Variants in DNAJC3 observed in about 807,000 individuals in gnomAD.
DNAJC3 encodes dnaJ homolog subfamily C member 3.
Under a neutral mutation model 68.6 loss-of-function variants are expected in DNAJC3, and 38 were observed. The observed-to-expected ratio is 0.55, with a 90% CI of 0.43 to 0.73. DNAJC3 has a LOEUF of 0.73. Ranked by LOEUF, DNAJC3 falls within the 30% of genes least tolerant of loss-of-function variation. DNAJC3 has a pLI of 0.00. For synonymous variants in DNAJC3, 203 were observed against 204.0 expected (o/e 1.00, Z 0.04); for missense variants, 526 against 591.9 (o/e 0.89, Z 1.16).
At chr13:95,699,993 A>T (rs1238442600) in intron 1 of DNAJC3, among the ~76,000 whole-genome samples, 1 of 151,976 alleles carries the variant, frequency 6.6e-6, no homozygotes, top group Non-Finnish European at 1.5e-5. Flanking sequence ...CATTTTTAAA[A>T]TTTTTTGTAG....
At chr13:95,776,591 C>T (rs1335532385) in intron 9 of DNAJC3, among the ~76,000 whole-genome samples, 2 of 152,052 alleles carry the variant, frequency 1.3e-5, no homozygotes, top group South Asian at 2.1e-4. Flanking sequence ...AATCTTTTTG[C>T]GATTTGGCCT....
intron 1 of DNAJC3, among the ~76,000 whole-genome samples, chr13:95,708,494 T>C (rs151221095): frequency 1.3e-5 from 2 of 152,208 alleles, no homozygotes; most frequent in Non-Finnish European, 2.9e-5. Context: ...CTGGAACATA[T>C]CTGCATGCTC....
chr13:95,719,218 C>T (rs1028441238), intron 2 of DNAJC3, among the ~76,000 whole-genome samples: 2 of 152,228 alleles, frequency 1.3e-5, no homozygotes, highest in Non-Finnish European at 2.9e-5. Context: ...GGATATGGCG[C>T]TTCTTTGCCC....
chr13:95,787,109 A>G lies in DNAJC3; in HGVS notation c.1311A>G (p.Lys437=). ...AAGAAGAAAAGAAAAAAGCTGAGAA[A>G]AAGTTCATTGATATAGCAGCTGCTA... ...QNEEEKKKAE[K]KFIDIAAAKE... Residue 437 remains lysine, a synonymous_variant, in exon 11 of 12, where the codon AAA becomes AAG. Transcript: ENST00000602402. The G allele has an allele frequency of 1.2e-6, 2 of 1,614,078 alleles. No individual in the cohort carries two copies. The highest frequency in any genetic ancestry group is 1.7e-6 in the Non-Finnish European group (2 of 1,179,976).
chr13:95,712,377 T>TC (rs1022786211), intron 2 of DNAJC3, among the ~76,000 whole-genome samples: 1 of 149,096 alleles, frequency 6.7e-6, no homozygotes, highest in African/African-American at 2.4e-5. Flanking sequence ...CTTTTTTCTT[T>TC]TTTTTTTTTT....
intron 2 of DNAJC3, among the ~76,000 whole-genome samples, chr13:95,721,573 T>G (rs1026182658): frequency 6.6e-6 from 1 of 152,126 alleles, no homozygotes; most frequent in African/African-American, 2.4e-5. Context: ...CGAACATTTG[T>G]TATTTTATCT....
intron 11 of DNAJC3, among the ~76,000 whole-genome samples, chr13:95,788,067 CTT>C (rs1883657390): frequency 1.3e-5 from 2 of 151,928 alleles, no homozygotes; most frequent in East Asian, 1.9e-4. Context: ...GTAAATGATC[CTT>C]TGTTTTCAAG....
At chr13:95,725,311 C>CT in intron 4 of DNAJC3, 59 bp downstream of exon 4, 1 of 1,302,804 alleles carries the variant, frequency 7.7e-7, no homozygotes, top group Admixed American at 2.5e-5. Context: ...CGTATTTGAC[C>CT]TTTTTTATAT....
In DNAJC3 at chr13:95,747,835, G is replaced by A. The variant is rs911461334; in HGVS notation, c.394-9809G>A. Reference sequence around the variant, plus strand: ...GAGAGATTCATTGGTTGGGGTGATAGGAAAAAAAGGAATTATGATATCCAG... The same window carrying A: ...GAGAGATTCATTGGTTGGGGTGATAAGAAAAAAAGGAATTATGATATCCAG... On this transcript the variant is annotated intron_variant, in intron 4 of 11. Coordinates refer to ENST00000602402, the MANE Select transcript of DNAJC3 (RefSeq NM_006260.5). 2.0e-5 allele frequency among the ~76,000 whole-genome samples: 3 copies of A among 146,778 alleles called. No homozygotes were observed. The South Asian group carries it at 6.2e-4, about 30-fold the overall frequency.
chr13:95,767,691 G>GGTTTT (rs1555328431), intron 9 of DNAJC3, among the ~76,000 whole-genome samples: 1 of 135,794 alleles, frequency 7.4e-6, no homozygotes, highest in African/African-American at 2.7e-5. Flanking sequence ...AGTTTTTTGG[G>GGTTTT]TTTTTTTTTT....
At chr13:95,778,468 T>C (rs1883347034) in intron 9 of DNAJC3, among the ~76,000 whole-genome samples, 1 of 152,180 alleles carries the variant, frequency 6.6e-6, no homozygotes, top group Non-Finnish European at 1.5e-5. Context: ...TGGATACATA[T>C]AAATTGGAAT....
chr13:95,774,444 G>C (rs1883244546), intron 9 of DNAJC3, among the ~76,000 whole-genome samples: 1 of 152,096 alleles, frequency 6.6e-6, no homozygotes, highest in South Asian at 2.1e-4. Context: ...CTTGTTTTGT[G>C]GTCCAGCATG....
intron 5 of DNAJC3, among the ~76,000 whole-genome samples, chr13:95,758,763 G>A (rs965033645): frequency 2.0e-5 from 3 of 152,170 alleles, no homozygotes; most frequent in Non-Finnish European, 4.4e-5. Flanking sequence ...TATTCAAATG[G>A]AAGCAGTCGT....
intron 5 of DNAJC3, among the ~76,000 whole-genome samples, chr13:95,758,385 C>G: frequency 6.6e-6 from 1 of 151,460 alleles, no homozygotes; most frequent in Middle Eastern, 3.4e-3. Context: ...CCTGTAATCC[C>G]AGCACTTTGG....
At chr13:95,754,122 A>G (rs1882576375) in intron 4 of DNAJC3, among the ~76,000 whole-genome samples, 1 of 152,196 alleles carries the variant, frequency 6.6e-6, no homozygotes, top group South Asian at 2.1e-4. Context: ...ATGGTGTAGC[A>G]GGGTCTGCTG....
chr13:95,708,327 G>A (rs1880829920), intron 1 of DNAJC3, among the ~76,000 whole-genome samples: 1 of 152,150 alleles, frequency 6.6e-6, no homozygotes, highest in Non-Finnish European at 1.5e-5. Context: ...ATTGATAATT[G>A]GCCTAGTCCA....
chr13:95,771,443 G>A (rs966456116), intron 9 of DNAJC3, among the ~76,000 whole-genome samples: 1 of 152,170 alleles, frequency 6.6e-6, no homozygotes, highest in Non-Finnish European at 1.5e-5. Flanking sequence ...GACAAATGGG[G>A]ATTTATAACC....
intron 4 of DNAJC3, among the ~76,000 whole-genome samples, chr13:95,736,157 C>T (rs1197671343): frequency 6.6e-6 from 1 of 152,062 alleles, no homozygotes; most frequent in African/African-American, 2.4e-5. Flanking sequence ...TTTCTGAGGG[C>T]TCTGTTCTGT....
At position 95,766,550 on chromosome 13, in the gene DNAJC3, T is replaced by C. The variant is rs572054672; in HGVS notation, c.1075+2597T>C. Among the ~76,000 whole-genome samples, 35 of 152,382 alleles carry C rather than the reference T, an allele frequency of 2.3e-4. 1 individual carries two copies. The South Asian group carries it at 6.2e-3, about 27-fold the overall frequency. On this transcript the variant is annotated intron_variant, in intron 9 of 11. Transcript: ENST00000602402. ...TGAGGGCAGAGACCTGTGGCTGTTA[T>C]ATTAACTGATGCAGTCCTGGTGCTT...
Sources: allele counts gnomAD v4.1 joint callset (sites outside exome capture counted in the v4.1 genomes callset), GRCh38; gene constraint gnomAD v4.1.1; transcripts MANE v1.5; gene names NCBI Gene and HGNC (gene_info 2026-07-23, HGNC 2026-07-21).